PRR16: variants seen among roughly 807,000 people sequenced by gnomAD.
PRR16 encodes the protein protein Largen.
Under a neutral mutation model 18.2 loss-of-function variants are expected in PRR16, and 6 were observed. That is an observed-to-expected ratio of 0.33 (90% CI 0.18 to 0.65). PRR16 has a LOEUF of 0.65. Ranked by LOEUF, PRR16 falls within the 30% of genes least tolerant of loss-of-function variation. The pLI, the probability that PRR16 is intolerant of heterozygous loss-of-function variation, is 0.74. For synonymous variants in PRR16, 151 were observed against 147.8 expected (o/e 1.02, Z -0.16); for missense variants, 412 against 376.6 (o/e 1.09, Z -0.78).
chr5:120,599,607 T>C (rs1753917492), intron 1 of PRR16, among the ~76,000 whole-genome samples: 1 of 151,942 alleles, frequency 6.6e-6, no homozygotes, highest in Non-Finnish European at 1.5e-5. Context: ...GGAGTGACTT[T>C]TTGTTTCACT....
At chr5:120,484,576 C>A (rs2112815156) in intron 1 of PRR16, among the ~76,000 whole-genome samples, 1 of 143,554 alleles carries the variant, frequency 7.0e-6, no homozygotes, top group Admixed American at 7.1e-5. Context: ...GAAATATATT[C>A]ATTTATATAT....
the PRR16 span, among the ~76,000 whole-genome samples, chr5:120,773,907 A>G: frequency 6.6e-6 from 1 of 152,172 alleles, no homozygotes; most frequent in African/African-American, 2.4e-5. Flanking sequence ...TATATTGAAT[A>G]TTAATAAGCA....
chr5:120,616,124 T>C (rs1754502062), intron 1 of PRR16, among the ~76,000 whole-genome samples: 1 of 152,156 alleles, frequency 6.6e-6, no homozygotes, highest in South Asian at 2.1e-4. Context: ...TTCCTAGTAC[T>C]GACACAGCGT....
At chr5:120,547,202 A>G (rs1752101383) in intron 1 of PRR16, among the ~76,000 whole-genome samples, 1 of 152,060 alleles carries the variant, frequency 6.6e-6, no homozygotes, top group South Asian at 2.1e-4. Context: ...TACTCCAATT[A>G]GCATGCTCAG....
chr5:120,689,157 T>A (rs1757180797), downstream of PRR16, among the ~76,000 whole-genome samples: 1 of 152,192 alleles, frequency 6.6e-6, no homozygotes, highest in African/African-American at 2.4e-5. Context: ...ATTACAGCAC[T>A]CTTAGGACTT....
At chr5:120,531,363 G>A (rs1751545085) in intron 1 of PRR16, 1 of 152,064 alleles carries the variant, frequency 6.6e-6, no homozygotes, top group African/African-American at 2.4e-5. Context: ...TCTATAAAAG[G>A]ATCGTTCGGG....
At chr5:120,669,306 C>T (rs974614217) in intron 1 of PRR16, among the ~76,000 whole-genome samples, 1 of 152,032 alleles carries the variant, frequency 6.6e-6, no homozygotes, top group Admixed American at 6.6e-5. Flanking sequence ...GGCCCTCACA[C>T]CCTCCCCTCT....
the PRR16 span, among the ~76,000 whole-genome samples, chr5:120,759,180 G>A: frequency 1.3e-5 from 2 of 151,862 alleles, no homozygotes; most frequent in African/African-American, 4.8e-5. Flanking sequence ...GTTTCACCGT[G>A]TTAGCCAGGA....
intron 1 of PRR16, among the ~76,000 whole-genome samples, chr5:120,566,645 A>G (rs1222706333): frequency 6.6e-6 from 1 of 152,196 alleles, no homozygotes; most frequent in African/African-American, 2.4e-5. Flanking sequence ...AAACGGAAAC[A>G]CTTCTTGTTT....
the PRR16 span, among the ~76,000 whole-genome samples, chr5:120,715,081 A>G: frequency 6.6e-6 from 1 of 151,978 alleles, no homozygotes; most frequent in Non-Finnish European, 1.5e-5. Flanking sequence ...AAAACTGCAC[A>G]TTCTGCACAT....
At chr5:120,664,827 G>A (rs185682473) in intron 1 of PRR16, among the ~76,000 whole-genome samples, 23,530 of 128,206 alleles carry the variant, frequency 0.18, 2,997 homozygotes, top group Middle Eastern at 0.33. Flanking sequence ...TGGTGTATAT[G>A]TGCCACATTT....
the PRR16 span, among the ~76,000 whole-genome samples, chr5:120,696,019 G>A: frequency 1.3e-5 from 2 of 152,094 alleles, no homozygotes; most frequent in Non-Finnish European, 2.9e-5. Context: ...AAGGTGGGTG[G>A]ATCACGAGGT....
At chr5:120,697,815 A>G in the PRR16 span, among the ~76,000 whole-genome samples, 1 of 152,132 alleles carries the variant, frequency 6.6e-6, no homozygotes, top group Non-Finnish European at 1.5e-5. Flanking sequence ...TCACAAGGTA[A>G]TGTCATCACT....
chr5:120,612,311 G>A (rs186480933), intron 1 of PRR16, among the ~76,000 whole-genome samples: 2 of 152,268 alleles, frequency 1.3e-5, no homozygotes, highest in Admixed American at 1.3e-4. Flanking sequence ...TTGGTGGACT[G>A]TTGGGAAGGC....
the PRR16 span, among the ~76,000 whole-genome samples, chr5:120,760,959 C>T: frequency 6.6e-6 from 1 of 152,154 alleles, no homozygotes; most frequent in African/African-American, 2.4e-5. Flanking sequence ...GTTGCTTGTC[C>T]TACAGTTCTT....
At chr5:120,791,579 T>TA in the PRR16 span, among the ~76,000 whole-genome samples, 9 of 122,636 alleles carry the variant, frequency 7.3e-5, no homozygotes, top group Admixed American at 8.5e-4. Flanking sequence ...GCTAAGAACT[T>TA]CTATCATCTA....
chr5:120,588,159 G>A (rs903200993), intron 1 of PRR16, among the ~76,000 whole-genome samples: 2 of 152,174 alleles, frequency 1.3e-5, no homozygotes, highest in Non-Finnish European at 2.9e-5. Flanking sequence ...TTCTTTTTAT[G>A]TATGAGCAAA....
chr5:120,523,026 G>C (rs1200236668), intron 1 of PRR16, among the ~76,000 whole-genome samples: 1 of 152,084 alleles, frequency 6.6e-6, no homozygotes, highest in Non-Finnish European at 1.5e-5. Flanking sequence ...CTTTGAGCTT[G>C]TTATCTGCTT....
chr5:120,635,083 GA>G (rs1755183490), intron 1 of PRR16, among the ~76,000 whole-genome samples: 1 of 152,028 alleles, frequency 6.6e-6, no homozygotes, highest in Non-Finnish European at 1.5e-5. Flanking sequence ...TAGACTCTCA[GA>G]ACAGACCAAT....
Sources: gnomAD v4.1 joint callset for allele counts (sites outside exome capture counted in the v4.1 genomes callset) on GRCh38, gnomAD v4.1.1 for gene constraint, MANE v1.5 for transcripts, NCBI Gene and HGNC (gene_info 2026-07-23, HGNC 2026-07-21) for gene names.